DDHD1: variants seen among roughly 807,000 people sequenced by gnomAD.
DDHD1 encodes phospholipase DDHD1.
In DDHD1, 49 loss-of-function variants were observed where a neutral mutation model predicts 96.4. That is an observed-to-expected ratio of 0.51 (90% CI 0.40 to 0.64). The LOEUF (loss-of-function observed/expected upper bound fraction) is 0.64, where lower values mean the gene tolerates loss of function less well. Ranked by LOEUF, DDHD1 falls within the 30% of genes least tolerant of loss-of-function variation. The probability of loss-of-function intolerance (pLI) is 0.00; values close to 1 mark genes in which losing one functional copy is unlikely to be tolerated. For synonymous variants in DDHD1, 442 were observed against 446.5 expected (o/e 0.99, Z 0.13); for missense variants, 1,106 against 1,161.2 (o/e 0.95, Z 0.69).
intron 4 of DDHD1, among the ~76,000 whole-genome samples, chr14:53,079,442 C>G (rs1003224851): frequency 1.3e-5 from 2 of 152,104 alleles, no homozygotes; most frequent in Non-Finnish European, 2.9e-5. Flanking sequence ...GTTACCAGAT[C>G]AGTTTTCCTA....
At chr14:53,136,213 C>T (rs1190209992) in intron 1 of DDHD1, among the ~76,000 whole-genome samples, 1 of 152,208 alleles carries the variant, frequency 6.6e-6, no homozygotes, top group African/African-American at 2.4e-5. Flanking sequence ...TAATCCACCA[C>T]CCTTTGCTGA....
intron 1 of DDHD1, among the ~76,000 whole-genome samples, chr14:53,108,248 A>G: frequency 6.6e-6 from 1 of 152,186 alleles, no homozygotes; most frequent in African/African-American, 2.4e-5. Flanking sequence ...CGACTGGGCT[A>G]AAGGCTTGCC....
chr14:53,089,153 T>C (rs1046349122), intron 4 of DDHD1, among the ~76,000 whole-genome samples: 1 of 151,996 alleles, frequency 6.6e-6, no homozygotes, highest in Non-Finnish European at 1.5e-5. Flanking sequence ...CCCTGCTCAA[T>C]GAAATAAAAG....
chr14:53,105,941 T>C (rs1235494794), intron 1 of DDHD1, among the ~76,000 whole-genome samples: 1 of 151,350 alleles, frequency 6.6e-6, no homozygotes, highest in African/African-American at 2.4e-5. Context: ...GTTCCAGTGG[T>C]TCTCTCTCTC....
rs139439089 is a variant in DDHD1, at chr14:53,054,852, T to C, written c.2246-223A>G. On this transcript the variant is annotated intron_variant, in intron 10 of 12. Coordinates refer to ENST00000673822, the MANE Select transcript of DDHD1 (RefSeq NM_001160148.2). ...GCTCTAGGAATATAACACAGGAATA[T>C]ATAAACAAAGGAATAAAGATTCTAT... Among the ~76,000 whole-genome samples the C allele has an allele frequency of 2.0e-4, 30 of 152,284 alleles. 1 individual carries two copies. The highest frequency in any genetic ancestry group is 6.7e-4 in the African/African-American group (28 of 41,574).
rs565786277 is a variant in DDHD1, at chr14:53,061,119, T to C, written c.1842+7A>G. The C allele has an allele frequency of 1.9e-6, 3 of 1,607,070 alleles. No individual in the cohort carries two copies. The African/African-American group carries it at 4.0e-5, about 22-fold the overall frequency. ...CAATGTTGAAGAACACATTGCTCTT[T>C]CCTTACCTTAAATTTTAAGGCAGGT... On this transcript the variant is annotated splice_region_variant and intron_variant, in intron 8 of 12. Coordinates refer to ENST00000673822, the MANE Select transcript of DDHD1 (RefSeq NM_001160148.2).
rs1881890291 is a variant in DDHD1, at chr14:53,044,676, T to TATA, written c.*2089_*2091dup. Reference sequence around the variant, plus strand: ...TGCTAAGATTTCATCAAAAGCCTTTTATAGCAAGGGTTTCTTAGTGAGTCA... The same window carrying TATA: ...TGCTAAGATTTCATCAAAAGCCTTTTATAATAGCAAGGGTTTCTTAGTGAGTCA... On this transcript the variant is annotated 3_prime_UTR_variant, in exon 13 of 13. Transcript: ENST00000673822. The TATA allele has an allele frequency of 6.6e-6, 1 of 152,224 alleles. No individual in the cohort carries two copies. Among genetic ancestry groups the TATA allele is most frequent in the Non-Finnish European group, 1.5e-5 (1 of 68,030 alleles). 9.4% of individuals were successfully genotyped at this position (152,224 alleles called of 1,614,324 possible).
At chr14:53,067,172 T>TA (rs1297014093) in intron 6 of DDHD1, among the ~76,000 whole-genome samples, 1 of 150,656 alleles carries the variant, frequency 6.6e-6, no homozygotes, top group Non-Finnish European at 1.5e-5. Flanking sequence ...TTTTTTTTTT[T>TA]AAATGAGATG....
chr14:53,149,675 T>A (rs1011838615), intron 1 of DDHD1: 2 of 152,324 alleles, frequency 1.3e-5, no homozygotes, highest in African/African-American at 4.8e-5. Context: ...TAGAAAATGC[T>A]AAAATATAGA....
chr14:53,118,897 T>C (rs1056659331), intron 1 of DDHD1, among the ~76,000 whole-genome samples: 1 of 152,086 alleles, frequency 6.6e-6, no homozygotes, highest in South Asian at 2.1e-4. Flanking sequence ...GAAAAAATGT[T>C]AAGGGCAGCC....
chr14:53,130,613 G>T (rs368417190), intron 1 of DDHD1, among the ~76,000 whole-genome samples: 1 of 152,140 alleles, frequency 6.6e-6, no homozygotes, highest in African/African-American at 2.4e-5. Context: ...ACTTCAAAAC[G>T]CCTGAACTGC....
chr14:53,068,733 T>C (rs747498732), intron 6 of DDHD1, among the ~76,000 whole-genome samples: 1 of 152,236 alleles, frequency 6.6e-6, no homozygotes, highest in African/African-American at 2.4e-5. Context: ...GTTTAGGTAC[T>C]GCTTGATTTC....
At chr14:53,072,823 C>G in intron 5 of DDHD1, 120 bp from the exon 6 acceptor site, 1 of 515,154 alleles carries the variant, frequency 1.9e-6, no homozygotes. Context: ...TTTAAATATT[C>G]AAGACCAGCT....
At chr14:53,077,752 C>T (rs768211342) in intron 4 of DDHD1, among the ~76,000 whole-genome samples, 7 of 151,054 alleles carry the variant, frequency 4.6e-5, no homozygotes, top group Non-Finnish European at 7.4e-5. Flanking sequence ...TTTCATAACA[C>T]GTTCATCACC....
At position 53,103,685 on chromosome 14, in the gene DDHD1, T is replaced by C; in HGVS notation, c.1010A>G (p.Asp337Gly). The change falls in exon 2 of 13, where the codon GAT (aspartate) becomes GGT (glycine). Residue 337 changes from aspartate (D) to glycine (G), a missense_variant and splice_region_variant. Coordinates refer to ENST00000673822, the MANE Select transcript of DDHD1 (RefSeq NM_001160148.2). ...IEVSKSIDGK[D>G]AVHSFKLSRN... ...TTAAATGTATCAATTGATCTTACCATCTTTTCCATCTATGGATTTTGACAC... is the reference window on the plus strand; with the variant it reads ...TTAAATGTATCAATTGATCTTACCACCTTTTCCATCTATGGATTTTGACAC... The C allele has an allele frequency of 6.2e-7, 1 of 1,608,578 alleles. No individual in the cohort carries two copies. Among genetic ancestry groups the C allele is most frequent in the Non-Finnish European group, 8.5e-7 (1 of 1,178,106 alleles).
At chr14:53,078,999 G>A (rs540540385) in intron 4 of DDHD1, among the ~76,000 whole-genome samples, 12 of 151,262 alleles carry the variant, frequency 7.9e-5, no homozygotes, top group Middle Eastern at 6.8e-3. Flanking sequence ...CACATGTGGT[G>A]GATTACCTTG....
intron 1 of DDHD1, among the ~76,000 whole-genome samples, chr14:53,119,286 A>C (rs1888799413): frequency 6.6e-6 from 1 of 152,212 alleles, no homozygotes; most frequent in Non-Finnish European, 1.5e-5. Flanking sequence ...TAGCATCATA[A>C]TGACAGGATC....
At position 53,152,281 on chromosome 14, in the gene DDHD1, C is replaced by G. The variant is rs780572545; in HGVS notation, c.818G>C (p.Cys273Ser). The G allele has an allele frequency of 1.2e-6, 2 of 1,610,980 alleles. No homozygotes were observed. Among genetic ancestry groups the G allele is most frequent in the Non-Finnish European group, 8.5e-7 (1 of 1,178,412 alleles). Residue 273 changes from cysteine to serine, a missense_variant, in exon 1 of 13, where the codon TGC (cysteine) becomes TCC (serine). Transcript: ENST00000673822. ...LYEVDVTQGE[C>S]YPVYWNQADK... ...CTCACGGTTCCAGTACACCGGGTAG[C>G]ACTCTCCTTGGGTCACATCCACCTC...
intron 1 of DDHD1, among the ~76,000 whole-genome samples, chr14:53,134,976 G>C (rs944033541): frequency 1.3e-5 from 2 of 151,974 alleles, no homozygotes; most frequent in East Asian, 3.9e-4. Flanking sequence ...TCCCACTATA[G>C]GTTCCCACGC....
Sources: allele counts gnomAD v4.1 joint callset (sites outside exome capture counted in the v4.1 genomes callset), GRCh38; gene constraint gnomAD v4.1.1; transcripts MANE v1.5; gene names NCBI Gene and HGNC (gene_info 2026-07-23, HGNC 2026-07-21).